Variants in DCC observed in about 807,000 individuals in gnomAD.
The protein encoded by DCC is DCC netrin 1 receptor, also known as netrin receptor DCC.
DCC carries 58 observed loss-of-function variants against 172.5 expected under a neutral mutation model. The ratio of observed to expected loss-of-function variants is 0.34; its 90% CI spans 0.27 to 0.42. The LOEUF is 0.42. Among genes scored for constraint, DCC ranks in the 10% least tolerant of loss-of-function variants. The pLI is 1.00. For synonymous variants in DCC, 709 were observed against 644.5 expected (o/e 1.10, Z -1.52); for missense variants, 1,740 against 1,791.0 (o/e 0.97, Z 0.51).
At chr18:53,228,274 TA>T (rs962395090) in intron 12 of DCC, among the ~76,000 whole-genome samples, 1 of 151,874 alleles carries the variant, frequency 6.6e-6, no homozygotes, top group Non-Finnish European at 1.5e-5. Flanking sequence ...AAATAAAAAA[TA>T]AAAAATCCAG....
chr18:52,912,156 C>G (rs1279985236), intron 3 of DCC, among the ~76,000 whole-genome samples: 1 of 152,054 alleles, frequency 6.6e-6, no homozygotes, highest in Non-Finnish European at 1.5e-5. Flanking sequence ...GTTTCACCAC[C>G]TGGTAATTGT....
intron 1 of DCC, among the ~76,000 whole-genome samples, chr18:52,648,844 C>T (rs2035067599): frequency 1.3e-5 from 2 of 152,064 alleles, no homozygotes; most frequent in African/African-American, 4.8e-5. Context: ...GCTCTGAGGG[C>T]CCTTTATCAT....
chr18:53,395,236 G>C (rs1038844359), intron 17 of DCC, among the ~76,000 whole-genome samples: 1 of 151,480 alleles, frequency 6.6e-6, no homozygotes, highest in African/African-American at 2.4e-5. Flanking sequence ...TTGCTCCAAA[G>C]TATTTCTAGG....
At position 53,104,614 on chromosome 18, in the gene DCC, C is replaced by CA. The variant is rs535214638; in HGVS notation, c.1261+38456dup. 6.5e-4 allele frequency among the ~76,000 whole-genome samples: 98 copies of CA among 151,492 alleles called. No individual in the cohort carries two copies. The South Asian group carries it at 6.7e-3, about 10-fold the overall frequency. Reference sequence around the variant, plus strand: ...CTAGCTATTTGATTTTCTGGTAATTCAAAAAAAATGCAATTGTTTATCACT... The same window carrying CA: ...CTAGCTATTTGATTTTCTGGTAATTCAAAAAAAAATGCAATTGTTTATCACT... On this transcript the variant is annotated intron_variant, in intron 7 of 28. Coordinates refer to ENST00000442544, the MANE Select transcript of DCC (RefSeq NM_005215.4).
At chr18:52,964,368 CATGAA>C (rs899465081) in intron 5 of DCC, among the ~76,000 whole-genome samples, 4 of 152,190 alleles carry the variant, frequency 2.6e-5, no homozygotes, top group South Asian at 2.1e-4. Flanking sequence ...TAATAAAAAA[CATGAA>C]ATGATATAAA....
At chr18:52,765,199 A>ATTTTTTTTT (rs369735420) in intron 2 of DCC, among the ~76,000 whole-genome samples, 5 of 120,110 alleles carry the variant, frequency 4.2e-5, no homozygotes, top group South Asian at 2.7e-4. Flanking sequence ...ACTCCTGGCT[A>ATTTTTTTTT]ATTTTTTTTT....
At chr18:52,639,881 T>A (rs111658678) in intron 1 of DCC, among the ~76,000 whole-genome samples, 1 of 152,084 alleles carries the variant, frequency 6.6e-6, no homozygotes, top group African/African-American at 2.4e-5. Flanking sequence ...AGCATCACCC[T>A]AATACCAAAA....
Position 52,750,781 on chromosome 18 carries a change from A to G in DCC, c.92-1273A>G, listed in dbSNP as rs115748819. Among the ~76,000 whole-genome samples, 1,126 of 152,262 alleles carry G rather than the reference A, an allele frequency of 7.4e-3. 15 individuals are homozygous for G. The highest frequency in any genetic ancestry group is 0.026 in the African/African-American group (1,065 of 41,542). On this transcript the variant is annotated intron_variant, in intron 1 of 28. Coordinates refer to ENST00000442544, the MANE Select transcript of DCC (RefSeq NM_005215.4). ...CTTATGAGAATATGGATTACCTGCA[A>G]TTTAGATGCCTGCCTTTTAAATGAC...
At chr18:53,248,033 C>T (rs2056385478) in intron 12 of DCC, among the ~76,000 whole-genome samples, 1 of 151,884 alleles carries the variant, frequency 6.6e-6, no homozygotes, top group Admixed American at 6.6e-5. Flanking sequence ...CTTGGTTTAG[C>T]AGAATGTCAG....
At chr18:53,242,850 C>A (rs1451319812) in intron 12 of DCC, among the ~76,000 whole-genome samples, 1 of 150,100 alleles carries the variant, frequency 6.7e-6, no homozygotes, top group South Asian at 2.1e-4. Flanking sequence ...ATAAAGGTGT[C>A]CAGACCTATG....
chr18:52,534,825 T>G lies in DCC; in HGVS notation c.91+193947T>G, dbSNP rs115890164. ...TTGAAAACATAATTTCTACTTAGCT[T>G]GTCAAATGCATCCTATTATTTAACT... On this transcript the variant is annotated intron_variant, in intron 1 of 28. Transcript: ENST00000442544. Among the ~76,000 whole-genome samples, 368 of 152,348 alleles carry G rather than the reference T, an allele frequency of 2.4e-3. 1 individual carries two copies. Among genetic ancestry groups the G allele is most frequent in the African/African-American group, 8.6e-3 (359 of 41,576 alleles).
At chr18:52,462,560 G>A (rs1988664825) in intron 1 of DCC, among the ~76,000 whole-genome samples, 2 of 152,058 alleles carry the variant, frequency 1.3e-5, no homozygotes, top group African/African-American at 2.4e-5. Context: ...TTGCTCAACT[G>A]TCACTTTCTT....
At chr18:52,802,009 T>C (rs550633522) in intron 2 of DCC, among the ~76,000 whole-genome samples, 55 of 151,840 alleles carry the variant, frequency 3.6e-4, no homozygotes, top group Middle Eastern at 3.2e-3. Flanking sequence ...CTATTCTTTT[T>C]TTTTTTTTAA....
rs570598189 is a variant in DCC, at chr18:52,957,587, A to G, written c.985+32217A>G. On this transcript the variant is annotated intron_variant, in intron 5 of 28. Coordinates refer to ENST00000442544, the MANE Select transcript of DCC (RefSeq NM_005215.4). ...ATATTTTCTTTTGATCACATATCTC[A>G]CAAATATTGTAAATGTGATTTTAAG... Among the ~76,000 whole-genome samples the G allele has an allele frequency of 5.1e-4, 77 of 152,264 alleles. 4 individuals are homozygous for G. The South Asian group carries it at 0.015, about 30-fold the overall frequency.
chr18:53,431,636 C>CA (rs1381630731), intron 21 of DCC, among the ~76,000 whole-genome samples: 1 of 152,004 alleles, frequency 6.6e-6, no homozygotes, highest in African/African-American at 2.4e-5. Context: ...AGGCATGCGC[C>CA]ACCGTGCTCT....
chr18:53,316,286 G>A (rs78136510), intron 13 of DCC, among the ~76,000 whole-genome samples: 7 of 152,030 alleles, frequency 4.6e-5, no homozygotes, highest in African/African-American at 1.7e-4. Context: ...TTATTTTTGA[G>A]GCCTCTGTTC....
intron 5 of DCC, among the ~76,000 whole-genome samples, chr18:52,986,035 A>G (rs915809595): frequency 1.3e-5 from 2 of 152,050 alleles, no homozygotes; most frequent in Non-Finnish European, 2.9e-5. Flanking sequence ...CAAGGTTTTT[A>G]GTAATCATTG....
chr18:52,478,638 A>T (rs1989164859), intron 1 of DCC, among the ~76,000 whole-genome samples: 1 of 152,234 alleles, frequency 6.6e-6, no homozygotes, highest in African/African-American at 2.4e-5. Context: ...GGGAAGCCTC[A>T]GGAAACTTAC....
intron 3 of DCC, among the ~76,000 whole-genome samples, chr18:52,909,860 A>G (rs1320167560): frequency 6.6e-6 from 1 of 152,226 alleles, no homozygotes; most frequent in Non-Finnish European, 1.5e-5. Context: ...GTGAGAGAAG[A>G]AAACACAGAG....
Sources: gnomAD v4.1 joint callset for allele counts (sites outside exome capture counted in the v4.1 genomes callset) on GRCh38, gnomAD v4.1.1 for gene constraint, MANE v1.5 for transcripts, NCBI Gene and HGNC (gene_info 2026-07-23, HGNC 2026-07-21) for gene names.